Variants in MEGF10 observed in about 807,000 individuals in gnomAD.
The protein encoded by MEGF10 is multiple EGF like domains 10, also known as multiple epidermal growth factor-like domains protein 10.
Under a neutral mutation model 147.5 loss-of-function variants are expected in MEGF10, and 86 were observed. The observed-to-expected ratio is 0.58, with a 90% confidence interval of 0.49 to 0.70. The LOEUF (loss-of-function observed/expected upper bound fraction) is 0.70. MEGF10 is among the 30% of genes least tolerant of loss of function. The pLI is 0.00. For missense variants in MEGF10, 1,329 were observed against 1,487.3 expected (o/e 0.89, Z 1.75); for synonymous variants, 478 against 525.5 (o/e 0.91, Z 1.24).
At chr5:127,271,504 G>A in the MEGF10 span, among the ~76,000 whole-genome samples, 46 of 152,012 alleles carry the variant, frequency 3.0e-4, no homozygotes, top group African/African-American at 1.1e-3. Flanking sequence ...CATTCTGTAG[G>A]TTGTTTGTTT....
intron 1 of MEGF10, among the ~76,000 whole-genome samples, chr5:127,319,518 G>A (rs1760711273): frequency 6.6e-6 from 1 of 152,176 alleles, no homozygotes; most frequent in Non-Finnish European, 1.5e-5. Context: ...GGATACTGCA[G>A]AGAAAAAAGA....
the MEGF10 span, among the ~76,000 whole-genome samples, chr5:127,257,550 T>G: frequency 1.3e-5 from 2 of 152,204 alleles, no homozygotes; most frequent in Non-Finnish European, 2.9e-5. Flanking sequence ...AAGGATTACC[T>G]TTGTAAACCA....
At chr5:127,239,228 G>C in the MEGF10 span, among the ~76,000 whole-genome samples, 1 of 151,596 alleles carries the variant, frequency 6.6e-6, no homozygotes, top group African/African-American at 2.4e-5. Flanking sequence ...TGGATCGGGG[G>C]GAAAAAACAG....
chr5:127,258,082 C>T, the MEGF10 span, among the ~76,000 whole-genome samples: 1 of 152,024 alleles, frequency 6.6e-6, no homozygotes, highest in African/African-American at 2.4e-5. Context: ...AGATGGAGAC[C>T]CATCAATCTG....
At chr5:127,308,614 C>G (rs144120128) in intron 1 of MEGF10, among the ~76,000 whole-genome samples, 2 of 150,998 alleles carry the variant, frequency 1.3e-5, no homozygotes, top group East Asian at 3.9e-4. Flanking sequence ...ATCGCAAGGA[C>G]GAAAAACCAA....
chr5:127,440,261 A>G (rs1377060007), intron 17 of MEGF10, among the ~76,000 whole-genome samples: 1 of 152,214 alleles, frequency 6.6e-6, no homozygotes, highest in African/African-American at 2.4e-5. Context: ...AGTTGATATT[A>G]TCTAAGATAA....
the MEGF10 span, among the ~76,000 whole-genome samples, chr5:127,252,427 T>C: frequency 6.6e-6 from 1 of 151,848 alleles, no homozygotes; most frequent in Non-Finnish European, 1.5e-5. Flanking sequence ...TGTTGAATAC[T>C]ATGCAGCTAT....
intron 8 of MEGF10, among the ~76,000 whole-genome samples, chr5:127,403,148 T>C (rs1286888744): frequency 1.3e-5 from 2 of 152,218 alleles, no homozygotes; most frequent in Non-Finnish European, 2.9e-5. Context: ...CTGGAACTTA[T>C]AGGGCCCTCT....
chr5:127,260,954 A>G, the MEGF10 span, among the ~76,000 whole-genome samples: 1 of 152,146 alleles, frequency 6.6e-6, no homozygotes, highest in Non-Finnish European at 1.5e-5. Context: ...TAGGAACAGG[A>G]ACTGTAGTGC....
In MEGF10 at chr5:127,459,929, T is replaced by A. The variant is rs1766503104; in HGVS notation, c.*2611T>A. 6.6e-6 allele frequency: 1 copy of A among 152,192 alleles called. No individual in the cohort carries two copies. Among genetic ancestry groups the A allele is most frequent in the Non-Finnish European group, 1.5e-5 (1 of 68,014 alleles). 9.4% of individuals were successfully genotyped at this position (152,192 alleles called of 1,614,324 possible). ...AAAGAAAGGAATACTTTTGTTAGAA[T>A]GAGAATTAAAGAGAAAACAAAAGAA... On this transcript the variant is annotated 3_prime_UTR_variant, in exon 25 of 25. Transcript: ENST00000503335.
chr5:127,345,512 G>T (rs1225929107), intron 4 of MEGF10, among the ~76,000 whole-genome samples: 1 of 152,166 alleles, frequency 6.6e-6, no homozygotes, highest in African/African-American at 2.4e-5. Context: ...TAGAAAAAAA[G>T]AAAGGATTGG....
At chr5:127,399,409 C>T (rs1338243852) in intron 7 of MEGF10, among the ~76,000 whole-genome samples, 1 of 152,166 alleles carries the variant, frequency 6.6e-6, no homozygotes, top group East Asian at 1.9e-4. Flanking sequence ...TGACAATTAG[C>T]TTCAAATTAG....
the MEGF10 span, among the ~76,000 whole-genome samples, chr5:127,276,828 T>C: frequency 1.3e-5 from 2 of 152,008 alleles, no homozygotes. Flanking sequence ...TGAAAAGTGG[T>C]ATTAAAAAAG....
At chr5:127,450,822 G>A (rs182900491) in intron 22 of MEGF10, among the ~76,000 whole-genome samples, 251 of 152,134 alleles carry the variant, frequency 1.6e-3, no homozygotes, top group Non-Finnish European at 3.0e-3. Context: ...GCAGTGGCGC[G>A]ATCTCGGCTC....
At chr5:127,356,916 A>G (rs1467256002) in intron 4 of MEGF10, among the ~76,000 whole-genome samples, 1 of 152,222 alleles carries the variant, frequency 6.6e-6, no homozygotes, top group Non-Finnish European at 1.5e-5. Context: ...TGACCATGGA[A>G]TTCCTTACTC....
chr5:127,362,786 T>G (rs907090904), intron 4 of MEGF10, among the ~76,000 whole-genome samples: 1 of 152,232 alleles, frequency 6.6e-6, no homozygotes, highest in Non-Finnish European at 1.5e-5. Context: ...CCATTTATGG[T>G]TAATATGATT....
At chr5:127,372,932 G>T (rs1300099958) in intron 5 of MEGF10, among the ~76,000 whole-genome samples, 1 of 152,196 alleles carries the variant, frequency 6.6e-6, no homozygotes, top group East Asian at 1.9e-4. Context: ...CTTCAGGGAT[G>T]AAGGGCAGGA....
At chr5:127,347,724 T>C (rs187514) in intron 4 of MEGF10, among the ~76,000 whole-genome samples, 91,067 of 151,836 alleles carry the variant, frequency 0.6, 27,572 homozygotes, top group Middle Eastern at 0.76. Flanking sequence ...CTCTCCCTTT[T>C]GGCCTCCAAT....
At position 127,457,603 on chromosome 5, in the gene MEGF10, C is replaced by G. The variant is rs1394902092; in HGVS notation, c.*285C>G. On this transcript the variant is annotated 3_prime_UTR_variant, in exon 25 of 25. Transcript: ENST00000503335. ...GATGTTGGCTGAAAGCATGAACTTG[C>G]AGAACTCCCTCGGAGACGCAGGTTG... 5.4e-6 allele frequency: 2 copies of G among 371,534 alleles called. No individual in the cohort carries two copies. Among genetic ancestry groups the G allele is most frequent in the Non-Finnish European group, 9.8e-6 (2 of 204,272 alleles). 23.0% of individuals were successfully genotyped at this position (371,534 alleles called of 1,614,324 possible).
Sources: gnomAD v4.1 joint callset for allele counts (sites outside exome capture counted in the v4.1 genomes callset) on GRCh38, gnomAD v4.1.1 for gene constraint, MANE v1.5 for transcripts, NCBI Gene and HGNC (gene_info 2026-07-23, HGNC 2026-07-21) for gene names.